The following SLC4A7 variants were observed in gnomAD, a reference collection of about 807,000 sequenced individuals.
SLC4A7 encodes solute carrier family 4 member 7.
A neutral mutation model predicts 137.6 loss-of-function variants in SLC4A7; 51 were observed. The ratio of observed to expected loss-of-function variants is 0.37; its 90% CI spans 0.30 to 0.47. The LOEUF is 0.47. Ranked by LOEUF, SLC4A7 falls within the 20% of genes least tolerant of loss-of-function variation. SLC4A7 has a pLI of 1.00. For synonymous variants in SLC4A7, 542 were observed against 518.6 expected (o/e 1.05, Z -0.61); for missense variants, 1,247 against 1,525.4 (o/e 0.82, Z 3.04).
chr3:27,461,114 G>C (rs985180138), intron 1 of SLC4A7, among the ~76,000 whole-genome samples: 8 of 152,032 alleles, frequency 5.3e-5, no homozygotes, highest in African/African-American at 1.9e-4. Flanking sequence ...TTTGAATGTG[G>C]AGCTAATGTA....
chr3:27,433,894 T>A lies in SLC4A7; in HGVS notation c.778+22A>T, dbSNP rs9818862. On this transcript the variant is annotated intron_variant, in intron 6 of 25. Coordinates refer to ENST00000454389, the MANE Select transcript of SLC4A7 (RefSeq NM_001321103.2). ...TTACAGTAGAAGTGTTAGCAAAAAT[T>A]GGATGCCACAACTTATCTCACCATT... 4.3e-3 allele frequency: 6,972 copies of A among 1,610,946 alleles called. 273 individuals are homozygous for A. In the African/African-American group the frequency reaches 0.083, roughly 19 times the overall value.
At chr3:27,398,383 TG>T in intron 16 of SLC4A7, 30 bp from the exon 17 acceptor site, 3 of 1,572,168 alleles carry the variant, frequency 1.9e-6, no homozygotes, top group Non-Finnish European at 1.7e-6. Context: ...AAAAGCAGAA[TG>T]GGGGATTCTT....
chr3:27,437,600 A>C (rs764892370), intron 3 of SLC4A7, 74 bp from the exon 4 acceptor site: 94 of 963,160 alleles, frequency 9.8e-5, no homozygotes, highest in Middle Eastern at 2.8e-4. Context: ...CAGTTTTGAA[A>C]ATGAAACACT....
intron 7 of SLC4A7, among the ~76,000 whole-genome samples, chr3:27,428,594 G>A (rs955130092): frequency 2.0e-5 from 3 of 152,260 alleles, no homozygotes; most frequent in Admixed American, 2.0e-4. Flanking sequence ...ATAATGATAG[G>A]AACACAAGGA....
rs2058141376 is a variant in SLC4A7, at chr3:27,452,513, T to C, written c.61-15A>G. The C allele has an allele frequency of 1.3e-6, 2 of 1,579,726 alleles. No homozygotes were observed. Among genetic ancestry groups the C allele is most frequent in the Non-Finnish European group, 1.7e-6 (2 of 1,161,230 alleles). On this transcript the variant is annotated splice_polypyrimidine_tract_variant and intron_variant, in intron 1 of 25. Coordinates refer to ENST00000454389, the MANE Select transcript of SLC4A7 (RefSeq NM_001321103.2). The stretch of plus-strand genomic sequence containing the variant: ...TCATCAGGACCCTAAAAACAAATTA[T>C]TCTCATTGACTCATGAGATCACAAT...
At position 27,376,140 on chromosome 3, in the gene SLC4A7, A is replaced by T. The variant is rs1449390707; in HGVS notation, c.*624T>A. 1 of 152,112 alleles carries T rather than the reference A, an allele frequency of 6.6e-6. No individual in the cohort carries two copies. The highest frequency in any genetic ancestry group is 2.4e-5 in the African/African-American group (1 of 41,452). The allele number at this position is 152,112 out of a possible 1,614,324, so 9.4% of individuals were successfully genotyped here. ...TGTCTGTCACAATGGATACCTAGAT[A>T]TGAAGGTTTTAAGATTTAAAAAAAA... On this transcript the variant is annotated 3_prime_UTR_variant, in exon 26 of 26. Transcript: ENST00000454389.
At chr3:27,395,745 A>C (rs964464229) in intron 18 of SLC4A7, among the ~76,000 whole-genome samples, 1 of 152,066 alleles carries the variant, frequency 6.6e-6, no homozygotes, top group Non-Finnish European at 1.5e-5. Context: ...AAGGGCTGTT[A>C]TTCAAAAGTT....
intron 22 of SLC4A7, 112 bp downstream of exon 22, chr3:27,389,818 TA>T: frequency 1.3e-6 from 1 of 753,250 alleles, no homozygotes; most frequent in Non-Finnish European, 2.1e-6. Context: ...TTCAAACACC[TA>T]AGGTACTTAA....
At chr3:27,474,531 G>A (rs1342670375) in intron 1 of SLC4A7, among the ~76,000 whole-genome samples, 1 of 152,104 alleles carries the variant, frequency 6.6e-6, no homozygotes, top group Non-Finnish European at 1.5e-5. Context: ...CCAACATAGT[G>A]AAACCCGGTC....
In SLC4A7 at chr3:27,382,403, C is replaced by T. The variant is rs759309704; in HGVS notation, c.3590+750G>A. ...GTGCTGGGATTACAGGTGTGAGCCACCACACCAGGCCTCTAAGACTGATTT... is the reference window on the plus strand; with the variant it reads ...GTGCTGGGATTACAGGTGTGAGCCATCACACCAGGCCTCTAAGACTGATTT... On this transcript the variant is annotated intron_variant, in intron 24 of 25. Coordinates refer to ENST00000454389, the MANE Select transcript of SLC4A7 (RefSeq NM_001321103.2). Among the ~76,000 whole-genome samples, 51 of 152,094 alleles carry T rather than the reference C, an allele frequency of 3.4e-4. 1 individual carries two copies. The highest frequency in any genetic ancestry group is 7.2e-4 in the Admixed American group (11 of 15,282).
At chr3:27,431,714 A>G (rs751863379) in intron 6 of SLC4A7, 45 bp from the exon 7 acceptor site, 4 of 1,485,540 alleles carry the variant, frequency 2.7e-6, no homozygotes, top group Admixed American at 4.8e-5. Flanking sequence ...TCCACTGCAG[A>G]AGGCAAATAG....
intron 11 of SLC4A7, among the ~76,000 whole-genome samples, chr3:27,417,530 G>C (rs1250727662): frequency 6.6e-6 from 1 of 152,124 alleles, no homozygotes; most frequent in Non-Finnish European, 1.5e-5. Context: ...GAAGCAAGAG[G>C]ATCACTAGAG....
chr3:27,445,676 G>C (rs977760552), intron 3 of SLC4A7, among the ~76,000 whole-genome samples: 7 of 150,304 alleles, frequency 4.7e-5, no homozygotes, highest in Admixed American at 1.3e-4. Context: ...CCAGTACTTT[G>C]GGAGGCTGAG....
intron 11 of SLC4A7, among the ~76,000 whole-genome samples, chr3:27,414,217 T>A (rs939268912): frequency 5.3e-5 from 8 of 151,968 alleles, no homozygotes; most frequent in African/African-American, 4.8e-5. Context: ...GAGGCAGAGG[T>A]TGCAGTGAAC....
In SLC4A7 at chr3:27,380,949, CAA is replaced by C. The variant is rs567604002; in HGVS notation, c.3591-1595_3591-1594del. Among the ~76,000 whole-genome samples the C allele has an allele frequency of 5.8e-4, 88 of 152,240 alleles. 1 individual carries two copies. Among genetic ancestry groups the C allele is most frequent in the African/African-American group, 2.1e-3 (86 of 41,554 alleles). On this transcript the variant is annotated intron_variant, in intron 24 of 25. Coordinates refer to ENST00000454389, the MANE Select transcript of SLC4A7 (RefSeq NM_001321103.2). ...GAAGAAGGTATATATTTTTTTCCCT[CAA>C]AATGAAATTAGATAGGAAAAAATTT...
chr3:27,470,511 A>G (rs2059194193), intron 1 of SLC4A7, among the ~76,000 whole-genome samples: 1 of 151,850 alleles, frequency 6.6e-6, no homozygotes, highest in South Asian at 2.1e-4. Context: ...TATTGAATAT[A>G]TTAATATATA....
chr3:27,465,059 A>G (rs547556509), intron 1 of SLC4A7, among the ~76,000 whole-genome samples: 165 of 152,180 alleles, frequency 1.1e-3, no homozygotes, highest in Admixed American at 3.5e-3. Flanking sequence ...GCACTTTGGG[A>G]GGCCAAGGTG....
intron 1 of SLC4A7, among the ~76,000 whole-genome samples, chr3:27,460,905 A>G (rs1478472546): frequency 6.6e-6 from 1 of 152,102 alleles, no homozygotes; most frequent in African/African-American, 2.4e-5. Context: ...GTCTAGATGT[A>G]TGTCTTTAAT....
intron 14 of SLC4A7, among the ~76,000 whole-genome samples, chr3:27,404,236 C>T (rs577824647): frequency 2.6e-5 from 4 of 152,186 alleles, no homozygotes; most frequent in Admixed American, 1.3e-4. Context: ...GGTGTGGTTG[C>T]GGCGCCAGTA....
Sources: allele counts gnomAD v4.1 joint callset (sites outside exome capture counted in the v4.1 genomes callset), GRCh38; gene constraint gnomAD v4.1.1; transcripts MANE v1.5; gene names NCBI Gene and HGNC (gene_info 2026-07-23, HGNC 2026-07-21).